Variants in FLRT2 observed in about 807,000 individuals in gnomAD.
The protein encoded by FLRT2 is fibronectin leucine rich transmembrane protein 2, also known as leucine-rich repeat transmembrane protein FLRT2.
FLRT2 carries 15 observed loss-of-function variants against 40.0 expected under a neutral mutation model. The ratio of observed to expected loss-of-function variants is 0.38; its 90% CI spans 0.25 to 0.58. The LOEUF is 0.58. Among genes scored for constraint, FLRT2 ranks in the 20% least tolerant of loss-of-function variants. The probability of loss-of-function intolerance (pLI) is 0.71; values close to 1 mark genes in which losing one functional copy is unlikely to be tolerated. For synonymous variants in FLRT2, 380 were observed against 336.8 expected, an observed-to-expected ratio of 1.13 and a Z score of -1.41; for missense variants, 726 against 840.0, an observed-to-expected ratio of 0.86 and a Z score of 1.68.
intron 1 of FLRT2, among the ~76,000 whole-genome samples, chr14:85,532,761 A>G (rs1205526351): frequency 6.6e-6 from 1 of 152,180 alleles, no homozygotes; most frequent in East Asian, 1.9e-4. Flanking sequence ...CACATCACCA[A>G]GGTTGCCTGC....
intron 1 of FLRT2, among the ~76,000 whole-genome samples, chr14:85,533,883 TCGCCGC>T (rs999728315): frequency 6.6e-6 from 1 of 151,750 alleles, no homozygotes; most frequent in South Asian, 2.1e-4. Flanking sequence ...GCCGCCGCCG[TCGCCGC>T]CGCCGCCACC....
chr14:85,561,797 T>A (rs1208680256), intron 1 of FLRT2, among the ~76,000 whole-genome samples: 1 of 152,242 alleles, frequency 6.6e-6, no homozygotes, highest in East Asian at 1.9e-4. Context: ...AAATGTATCA[T>A]AAAGTAACCT....
chr14:85,551,004 A>C (rs192832532), intron 1 of FLRT2, among the ~76,000 whole-genome samples: 8 of 152,334 alleles, frequency 5.3e-5, no homozygotes, highest in Admixed American at 3.9e-4. Flanking sequence ...TTGTGAAATC[A>C]TGAATGGAAT....
intron 1 of FLRT2, among the ~76,000 whole-genome samples, chr14:85,606,762 A>G (rs1385382490): frequency 2.0e-5 from 3 of 150,884 alleles, no homozygotes; most frequent in African/African-American, 7.3e-5. Flanking sequence ...TGACCTCGTC[A>G]TCTGCTTGCC....
chr14:85,639,066 A>AT lies in FLRT2; in HGVS notation c.*15570dup, dbSNP rs1308350875. On this transcript the variant is annotated 3_prime_UTR_variant, in exon 2 of 2. Coordinates refer to ENST00000330753, the MANE Select transcript of FLRT2 (RefSeq NM_013231.6). Reference sequence around the variant, plus strand: ...GATAAGTGTCGTCTCTTGTAGATAGATAAAAACTAAACTGAAACCAAAAGA... The same window carrying AT: ...GATAAGTGTCGTCTCTTGTAGATAGATTAAAAACTAAACTGAAACCAAAAGA... The AT allele has an allele frequency of 6.6e-6, 1 of 152,232 alleles. No homozygotes were observed. Among genetic ancestry groups the AT allele is most frequent in the East Asian group, 1.9e-4 (1 of 5,192 alleles). The allele number at this position is 152,232 out of a possible 1,614,324, so 9.4% of individuals were successfully genotyped here. A position where few individuals can be genotyped will look rare whatever the true frequency, so the allele number is the denominator to read the frequency against.
chr14:85,564,450 C>T (rs1326615978), intron 1 of FLRT2, among the ~76,000 whole-genome samples: 6 of 151,982 alleles, frequency 3.9e-5, no homozygotes, highest in African/African-American at 7.3e-5. Context: ...ACCAGTAACC[C>T]GGGTTAAAAA....
Position 85,633,740 on chromosome 14 carries a change from C to A in FLRT2, c.*10243C>A, listed in dbSNP as rs1301054168. 1.3e-5 allele frequency: 2 copies of A among 150,458 alleles called. No individual in the cohort carries two copies. The highest frequency in any genetic ancestry group is 2.9e-5 in the Non-Finnish European group (2 of 67,874). The allele number at this position is 150,458 out of a possible 1,614,324, so 9.3% of individuals were successfully genotyped here. ...ACTTGAGCCCAGGAGATCAAGATTA[C>A]ATTGAGCTCTGATTGTGCCACTGCA... On this transcript the variant is annotated 3_prime_UTR_variant, in exon 2 of 2. Coordinates refer to ENST00000330753, the MANE Select transcript of FLRT2 (RefSeq NM_013231.6).
chr14:85,623,498 C>G lies in FLRT2; in HGVS notation c.*1C>G. The G allele has an allele frequency of 8.4e-6, 12 of 1,426,346 alleles. No homozygotes were observed. Among genetic ancestry groups the G allele is most frequent in the Non-Finnish European group, 1.1e-5 (12 of 1,088,180 alleles). 88.4% of individuals were successfully genotyped at this position (1,426,346 alleles called of 1,614,324 possible). A position where few individuals can be genotyped will look rare whatever the true frequency, so the allele number is the denominator to read the frequency against. ...AGACCTGGAGCACTGCCATACGTGA[C>G]AGCCAGAGGCCCAGCGTTATCAAGG... On this transcript the variant is annotated 3_prime_UTR_variant, in exon 2 of 2. Transcript: ENST00000330753.
chr14:85,558,009 T>C (rs115267203), intron 1 of FLRT2, among the ~76,000 whole-genome samples: 8 of 152,044 alleles, frequency 5.3e-5, no homozygotes, highest in Admixed American at 6.5e-5. Context: ...CATAGACTTA[T>C]GTGGAAAGCA....
At position 85,629,403 on chromosome 14, in the gene FLRT2, T is replaced by C. The variant is rs1893809712; in HGVS notation, c.*5906T>C. 6.6e-6 allele frequency: 1 copy of C among 152,184 alleles called. No homozygotes were observed. Among genetic ancestry groups the C allele is most frequent in the South Asian group, 2.1e-4 (1 of 4,830 alleles). The allele number at this position is 152,184 out of a possible 1,614,324, so 9.4% of individuals were successfully genotyped here. A position where few individuals can be genotyped will look rare whatever the true frequency, so the allele number is the denominator to read the frequency against. ...ATTTCGTAATTACACATGCAGACAT[T>C]TAAATTTTTATTAAGCACCACGATG... On this transcript the variant is annotated 3_prime_UTR_variant, in exon 2 of 2. Transcript: ENST00000330753.
intron 1 of FLRT2, among the ~76,000 whole-genome samples, chr14:85,534,925 G>T (rs1328084607): frequency 7.2e-6 from 1 of 138,698 alleles, no homozygotes; most frequent in Non-Finnish European, 1.5e-5. Flanking sequence ...TTATTTATTC[G>T]CCTGGAAACT....
chr14:85,569,208 A>G (rs963725272), intron 1 of FLRT2, among the ~76,000 whole-genome samples: 4 of 152,198 alleles, frequency 2.6e-5, no homozygotes, highest in Non-Finnish European at 4.4e-5. Context: ...AATTTCTCCT[A>G]GAAAGAAAAG....
chr14:85,579,394 G>A (rs1891287201), intron 1 of FLRT2, among the ~76,000 whole-genome samples: 2 of 152,140 alleles, frequency 1.3e-5, no homozygotes, highest in African/African-American at 4.8e-5. Context: ...AGAGTTAACT[G>A]TGACAAGTAG....
chr14:85,586,316 C>T (rs1880175500), intron 1 of FLRT2, among the ~76,000 whole-genome samples: 1 of 151,992 alleles, frequency 6.6e-6, no homozygotes. Context: ...AGGCTTCAAT[C>T]CCAGAGCACT....
chr14:85,592,813 A>G lies in FLRT2; in HGVS notation c.-376-28326A>G, dbSNP rs544009634. The stretch of plus-strand genomic sequence containing the variant: ...TCAAAAAAAAAAAAAAAAAAGAAAA[A>G]AAAGAAAACCTGGAACCGCATGAAT... On this transcript the variant is annotated intron_variant, in intron 1 of 1. Transcript: ENST00000330753. Among the ~76,000 whole-genome samples the G allele has an allele frequency of 1.3e-4, 19 of 150,994 alleles. No homozygotes were observed. In the East Asian group the frequency reaches 3.3e-3, roughly 26 times the overall value.
chr14:85,603,561 T>G (rs1294886508), intron 1 of FLRT2, among the ~76,000 whole-genome samples: 1 of 152,162 alleles, frequency 6.6e-6, no homozygotes, highest in Non-Finnish European at 1.5e-5. Context: ...CTGTCACATC[T>G]TGTTAGGTAA....
chr14:85,595,750 C>T (rs902960576), intron 1 of FLRT2, among the ~76,000 whole-genome samples: 6 of 152,082 alleles, frequency 3.9e-5, no homozygotes, highest in South Asian at 2.1e-4. Context: ...CAGAAGGACC[C>T]GGAAGTAAAA....
At position 85,652,611 on chromosome 14, in the gene FLRT2, TA is replaced by T. The variant is rs1198693530; in HGVS notation, c.*29115del. On this transcript the variant is annotated 3_prime_UTR_variant, in exon 2 of 2. Transcript: ENST00000330753. ...AATTTAAGATGACATTATGACTTAT[TA>T]GGCCACAGTTAAATATGAGCTTCAT... 2.8e-4 allele frequency: 43 copies of T among 152,258 alleles called. No homozygotes were observed. The highest frequency in any genetic ancestry group is 2.7e-3 in the Admixed American group (41 of 15,290). The allele number at this position is 152,258 out of a possible 1,614,324, so 9.4% of individuals were successfully genotyped here. A position where few individuals can be genotyped will look rare whatever the true frequency, so the allele number is the denominator to read the frequency against.
At chr14:85,575,101 G>A (rs948293085) in intron 1 of FLRT2, among the ~76,000 whole-genome samples, 1 of 152,158 alleles carries the variant, frequency 6.6e-6, no homozygotes, top group South Asian at 2.1e-4. Context: ...TTTTGCTTTG[G>A]CTTTTATTTA....
Sources: gnomAD v4.1 joint callset for allele counts (sites outside exome capture counted in the v4.1 genomes callset) on GRCh38, gnomAD v4.1.1 for gene constraint, MANE v1.5 for transcripts, NCBI Gene and HGNC (gene_info 2026-07-23, HGNC 2026-07-21) for gene names.